ABCC12: variants seen among roughly 807,000 people sequenced by gnomAD.
ABCC12 encodes the protein ATP binding cassette subfamily C member 12.
In ABCC12, 142 loss-of-function variants were observed where a neutral mutation model predicts 151.1. The observed-to-expected ratio is 0.94, with a 90% CI of 0.82 to 1.08. The LOEUF (loss-of-function observed/expected upper bound fraction) is 1.08. Ranked by LOEUF, ABCC12 falls within the 50% of genes least tolerant of loss-of-function variation. The pLI is 0.00. For missense variants in ABCC12, 1,638 were observed against 1,691.1 expected (o/e 0.97, Z 0.55); for synonymous variants, 645 against 646.4 (o/e 1.00, Z 0.03).
chr16:48,124,001 T>C (rs573592110), intron 12 of ABCC12, among the ~76,000 whole-genome samples: 1 of 152,298 alleles, frequency 6.6e-6, no homozygotes, highest in African/African-American at 2.4e-5. Context: ...ACCTCCTCAT[T>C]GGCAAACTCA....
intron 14 of ABCC12, 35 bp from the exon 15 acceptor site, chr16:48,115,653 G>C (rs201418837): frequency 1.3e-6 from 2 of 1,583,690 alleles, no homozygotes; most frequent in Non-Finnish European, 1.7e-6. Flanking sequence ...CCCATTGTCA[G>C]CCCACCCTGA....
intron 28 of ABCC12, chr16:48,086,188 T>C (rs1190368877): frequency 5.8e-6 from 1 of 173,302 alleles, no homozygotes; most frequent in African/African-American, 2.4e-5. Flanking sequence ...GTGTCCATGC[T>C]CACCTGCTGA....
At chr16:48,100,818 C>T (rs527958597) in intron 23 of ABCC12, 54 bp downstream of exon 23, 21 of 1,587,366 alleles carry the variant, frequency 1.3e-5, no homozygotes, top group African/African-American at 1.2e-4. Flanking sequence ...CACTCCCCAT[C>T]GGAGTCAGGC....
chr16:48,088,344 T>TA (rs1251650786), intron 26 of ABCC12, among the ~76,000 whole-genome samples: 4 of 152,180 alleles, frequency 2.6e-5, no homozygotes, highest in Admixed American at 2.6e-4. Flanking sequence ...GTCATTTAAT[T>TA]AATTCAAAAA....
rs116654862 is a variant in ABCC12, at chr16:48,110,175, G to A, written c.2281+1261C>T. ...AACTATGTTGCCTTTCCAAATGTGC[G>A]TGCATTTGTCACAAGCACCATTGAG... On this transcript the variant is annotated intron_variant, in intron 18 of 30. Coordinates refer to ENST00000311303, the MANE Select transcript of ABCC12 (RefSeq NM_001393797.1). 8.7e-3 allele frequency among the ~76,000 whole-genome samples: 1,321 copies of A among 152,282 alleles called. 21 individuals are homozygous for A. The highest frequency in any genetic ancestry group is 0.03 in the African/African-American group (1,239 of 41,568).
At chr16:48,115,112 C>A (rs767108423) in intron 15 of ABCC12, among the ~76,000 whole-genome samples, 1 of 152,150 alleles carries the variant, frequency 6.6e-6, no homozygotes, top group Non-Finnish European at 1.5e-5. Context: ...TCTTACCAGG[C>A]GCCCAGAACT....
chr16:48,092,511 C>G (rs943074558), intron 24 of ABCC12, among the ~76,000 whole-genome samples: 2 of 152,212 alleles, frequency 1.3e-5, no homozygotes, highest in Non-Finnish European at 2.9e-5. Context: ...CCAGCCTGCC[C>G]TGGAAGGGTG....
chr16:48,115,670 T>C, intron 14 of ABCC12, 52 bp from the exon 15 acceptor site: 1 of 1,548,470 alleles, frequency 6.5e-7, no homozygotes, highest in Non-Finnish European at 8.7e-7. Context: ...CTGAAGTTCT[T>C]GGGCAATGGA....
At chr16:48,146,989 C>A (rs1965026804) in intron 2 of ABCC12, among the ~76,000 whole-genome samples, 1 of 152,004 alleles carries the variant, frequency 6.6e-6, no homozygotes, top group South Asian at 2.1e-4. Context: ...ATGCACACAC[C>A]CCTTCTTCTT....
intron 29 of ABCC12, 27 bp downstream of exon 29, chr16:48,085,566 A>G (rs1266534539): frequency 7.5e-6 from 12 of 1,602,202 alleles, no homozygotes; most frequent in Non-Finnish European, 1.0e-5. Context: ...CCAAAATTTG[A>G]CCAATCCATT....
intron 25 of ABCC12, 77 bp from the exon 26 acceptor site, chr16:48,088,811 C>T (rs1680367769): frequency 1.5e-6 from 2 of 1,300,920 alleles, no homozygotes; most frequent in East Asian, 4.9e-5. Flanking sequence ...TTCATTGATT[C>T]ACACAGTTTC....
In ABCC12 at chr16:48,082,058, G is replaced by A. The variant is rs983889754; in HGVS notation, c.*1657C>T. 2.6e-5 allele frequency among the ~76,000 whole-genome samples: 4 copies of A among 152,176 alleles called. No individual in the cohort carries two copies. The highest frequency in any genetic ancestry group is 7.2e-5 in the African/African-American group (3 of 41,448). On this transcript the variant is annotated 3_prime_UTR_variant, in exon 31 of 31. Coordinates refer to ENST00000311303, the MANE Select transcript of ABCC12 (RefSeq NM_001393797.1). ...GTGGATGTGGGTTTAATGACCTTCAGTCAGGGTCATGCACCATGGGGGAAA... is the reference window on the plus strand; with the variant it reads ...GTGGATGTGGGTTTAATGACCTTCAATCAGGGTCATGCACCATGGGGGAAA...
intron 2 of ABCC12, among the ~76,000 whole-genome samples, chr16:48,149,591 C>T (rs1051497203): frequency 8.5e-5 from 13 of 152,078 alleles, no homozygotes; most frequent in African/African-American, 2.7e-4. Context: ...TTTCTTAAAG[C>T]AATTTTCTTT....
Position 48,124,254 on chromosome 16 carries a change from C to A in ABCC12, c.1546G>T (p.Gly516Ter), listed in dbSNP as rs780252269. 3 of 1,614,226 alleles carry A rather than the reference C, an allele frequency of 1.9e-6. No individual in the cohort carries two copies. The highest frequency in any genetic ancestry group is 2.5e-6 in the Non-Finnish European group (3 of 1,180,032). Residue 516 changes from glycine (G) to a stop codon, truncating the protein, a stop_gained, in exon 12 of 31, where the codon GGA becomes TGA. Coordinates refer to ENST00000311303, the MANE Select transcript of ABCC12 (RefSeq NM_001393797.1). LOFTEE classifies it high-confidence loss of function. The part of the protein sequence containing the change: ...GKILGICGNV[G>*]SGKSSLLAAL... ...GCAAGGAGGGAGCTCTTTCCACTTC[C>A]CACATTCCCACATATTCCCAAGATC... is the stretch of plus-strand genomic sequence containing the variant.
rs146796778 is a variant in ABCC12 at position 48,139,236 on chromosome 16, G to A, written c.758C>T (p.Ala253Val). 2 of 1,613,994 alleles carry A rather than the reference G, an allele frequency of 1.2e-6. No homozygotes were observed. The highest frequency in any genetic ancestry group is 1.3e-5 in the African/African-American group (1 of 74,926). Residue 253 changes from alanine (A) to valine (V), a missense_variant, in exon 7 of 31, where the codon GCG (alanine) becomes GTG (valine). Ala to Val is a moderately conservative substitution (Grantham distance 64, BLOSUM62 0). Transcript: ENST00000311303. ...TIPILMVFCA[A>V]YAFFILGPTA... ...GGGCCCCAGAATGAAAAAGGCGTACGCCGCACAAAAGACCATTAGGATCGG... is the reference window on the plus strand; with the variant it reads ...GGGCCCCAGAATGAAAAAGGCGTACACCGCACAAAAGACCATTAGGATCGG...
At chr16:48,144,485 C>T (rs1021445193) in intron 3 of ABCC12, among the ~76,000 whole-genome samples, 1 of 151,778 alleles carries the variant, frequency 6.6e-6, no homozygotes, top group African/African-American at 2.4e-5. Flanking sequence ...CCTCCTCCTC[C>T]TGCCCAGAAT....
At chr16:48,134,104 T>C (rs545193113) in intron 8 of ABCC12, among the ~76,000 whole-genome samples, 23 of 152,186 alleles carry the variant, frequency 1.5e-4, no homozygotes, top group Admixed American at 1.5e-3. Flanking sequence ...CTCAGATGCT[T>C]AGAAGGGCCA....
rs1413310508 is a variant in ABCC12, at chr16:48,100,883, G to A, written c.3027C>T (p.Ser1009=). ...GIIHAYGKKE[S]CITYHLLYFN... ...CACATGGGACTCACTAGGTGATGCAGCTCTCCTTCTTGCCATAGGCGTGAA... is the reference window on the plus strand; with the variant it reads ...CACATGGGACTCACTAGGTGATGCAACTCTCCTTCTTGCCATAGGCGTGAA... Residue 1009 remains serine, a synonymous_variant, in exon 23 of 31, where the codon AGC becomes AGT. Transcript: ENST00000311303. 6.8e-6 allele frequency: 11 copies of A among 1,614,136 alleles called. No individual in the cohort carries two copies. The highest frequency in any genetic ancestry group is 9.3e-6 in the Non-Finnish European group (11 of 1,179,992).
At chr16:48,137,788 T>G (rs1162493819) in intron 8 of ABCC12, among the ~76,000 whole-genome samples, 1 of 152,230 alleles carries the variant, frequency 6.6e-6, no homozygotes, top group Non-Finnish European at 1.5e-5. Flanking sequence ...TCCTCGTGTC[T>G]GCCCAAGGAG....
Sources: allele counts gnomAD v4.1 joint callset (sites outside exome capture counted in the v4.1 genomes callset), GRCh38; gene constraint gnomAD v4.1.1; transcripts MANE v1.5; gene names NCBI Gene and HGNC (gene_info 2026-07-23, HGNC 2026-07-21).